ADAMTS2: variants seen among roughly 807,000 people sequenced by gnomAD.
The protein encoded by ADAMTS2 is ADAM metallopeptidase with thrombospondin type 1 motif 2, also known as A disintegrin and metalloproteinase with thrombospondin motifs 2.
A neutral mutation model predicts 123.0 loss-of-function variants in ADAMTS2; 50 were observed. The observed-to-expected ratio is 0.41, with a 90% CI of 0.32 to 0.51. The LOEUF is 0.51. ADAMTS2 is among the 20% of genes least tolerant of loss of function. The pLI is 0.35. For synonymous variants in ADAMTS2, 678 were observed against 695.4 expected (o/e 0.98, Z 0.39); for missense variants, 1,494 against 1,705.2 (o/e 0.88, Z 2.18).
At chr5:179,343,335 G>A (rs1387338903) in intron 2 of ADAMTS2, among the ~76,000 whole-genome samples, 1 of 152,294 alleles carries the variant, frequency 6.6e-6, no homozygotes, top group African/African-American at 2.4e-5. Context: ...AGACACATAC[G>A]TGCACAAGAG....
rs544426618 is a variant in ADAMTS2, at chr5:179,282,891, C to T, written c.535-9827G>A. Among the ~76,000 whole-genome samples the T allele has an allele frequency of 2.2e-3, 339 of 152,190 alleles. 1 individual carries two copies. Among genetic ancestry groups the T allele is most frequent in the African/African-American group, 7.2e-3 (300 of 41,530 alleles). ...GAGATTGAGACCATCCTGGCTAACA[C>T]GGTAAAACCATGTCATCTTGAGATG... On this transcript the variant is annotated intron_variant, in intron 2 of 21. Transcript: ENST00000251582.
chr5:179,126,746 G>T (rs982189592), intron 17 of ADAMTS2, among the ~76,000 whole-genome samples: 9 of 152,240 alleles, frequency 5.9e-5, no homozygotes, highest in Non-Finnish European at 1.0e-4. Flanking sequence ...GGCCTGCTGG[G>T]TAAGACCAAA....
chr5:179,126,657 C>T (rs1471429673), intron 17 of ADAMTS2, among the ~76,000 whole-genome samples: 1 of 152,238 alleles, frequency 6.6e-6, no homozygotes, highest in Admixed American at 6.5e-5. Context: ...TGCTTGACAC[C>T]CCACCGTGCA....
At chr5:179,200,932 A>C (rs964844321) in intron 4 of ADAMTS2, among the ~76,000 whole-genome samples, 1 of 152,192 alleles carries the variant, frequency 6.6e-6, no homozygotes, top group African/African-American at 2.4e-5. Context: ...ACACCCCCAA[A>C]TCCCAGCAGA....
rs1166181258 is a variant in ADAMTS2, at chr5:179,117,028, C to G, written c.3179-2704G>C. Among the ~76,000 whole-genome samples, 1 of 152,122 alleles carries G rather than the reference C, an allele frequency of 6.6e-6. No homozygotes were observed. The highest frequency in any genetic ancestry group is 2.4e-5 in the African/African-American group (1 of 41,428). ...TCAGGATTTTGAAACTGGCAGAAGG[C>G]TTTTCTCAGATAAAAATCTTACACA... is the stretch of plus-strand genomic sequence containing the variant. On this transcript the variant is annotated intron_variant, in intron 21 of 21. Transcript: ENST00000251582. The surrounding 1 kb of genome is among the most constrained non-coding windows in gnomAD (Gnocchi z 4.2).
At chr5:179,278,828 A>C (rs1214568864) in intron 2 of ADAMTS2, among the ~76,000 whole-genome samples, 3 of 151,850 alleles carry the variant, frequency 2.0e-5, no homozygotes, top group Non-Finnish European at 2.9e-5. Flanking sequence ...GGTGAGTTAC[A>C]CAACGCCTGC....
chr5:179,244,857 T>C (rs549603836), intron 3 of ADAMTS2, among the ~76,000 whole-genome samples: 100 of 152,300 alleles, frequency 6.6e-4, no homozygotes, highest in Admixed American at 1.7e-3. Flanking sequence ...ACTGTTGATA[T>C]ATATGTACTC....
intron 2 of ADAMTS2, among the ~76,000 whole-genome samples, chr5:179,304,179 C>T (rs983873167): frequency 9.2e-5 from 14 of 152,188 alleles, no homozygotes; most frequent in East Asian, 5.8e-4. Flanking sequence ...AACTTGCAGC[C>T]GGAACCCAAT....
intron 5 of ADAMTS2, among the ~76,000 whole-genome samples, chr5:179,166,801 C>T (rs894604124): frequency 1.3e-5 from 2 of 152,168 alleles, no homozygotes; most frequent in African/African-American, 4.8e-5. Context: ...TTGCTGGGCC[C>T]GAGTCTGTGC....
At chr5:179,217,838 ACAGGCACACTCAC>A (rs1765031493) in intron 3 of ADAMTS2, among the ~76,000 whole-genome samples, 5 of 85,858 alleles carry the variant, frequency 5.8e-5, no homozygotes, top group African/African-American at 2.9e-4. Flanking sequence ...CTGAGGGCAG[ACAGGCACACTCAC>A]TAGGTAGGGG....
chr5:179,262,816 C>T lies in ADAMTS2; in HGVS notation c.688+10095G>A, dbSNP rs536583665. 1.6e-4 allele frequency among the ~76,000 whole-genome samples: 25 copies of T among 152,370 alleles called. No homozygotes were observed. In the South Asian group the frequency reaches 5.0e-3, roughly 30 times the overall value. The stretch of plus-strand genomic sequence containing the variant: ...GCTGTGAGCCCAGAGAACAGGGACT[C>T]GATCGGGTTCCTCCGCTGCTACAGC... On this transcript the variant is annotated intron_variant, in intron 3 of 21. Coordinates refer to ENST00000251582, the MANE Select transcript of ADAMTS2 (RefSeq NM_014244.5). The surrounding 1 kb of genome is among the most constrained non-coding windows in gnomAD (Gnocchi z 5.9).
rs537968304 is a variant in ADAMTS2, at chr5:179,126,137, G to A, written c.2618-7C>T. On this transcript the variant is annotated splice_polypyrimidine_tract_variant and splice_region_variant and intron_variant, in intron 17 of 21. Coordinates refer to ENST00000251582, the MANE Select transcript of ADAMTS2 (RefSeq NM_014244.5). ...TACTTGGTGAACTGGGACCCTGAAGGCAGAGAGCTCGACGGGGGTCGGTGG... is the reference window on the plus strand; with the variant it reads ...TACTTGGTGAACTGGGACCCTGAAGACAGAGAGCTCGACGGGGGTCGGTGG... 1 of 1,613,180 alleles carries A rather than the reference G, an allele frequency of 6.2e-7. No homozygotes were observed. The highest frequency in any genetic ancestry group is 8.5e-7 in the Non-Finnish European group (1 of 1,180,020).
In ADAMTS2 at chr5:179,319,642, C is replaced by T. The variant is rs958393029; in HGVS notation, c.534+24125G>A. ...GAGAAGGTGTTTATTTGGCCTTTTG[C>T]TTATTGTATGTCTCTACCACCTCAT... On this transcript the variant is annotated intron_variant, in intron 2 of 21. Coordinates refer to ENST00000251582, the MANE Select transcript of ADAMTS2 (RefSeq NM_014244.5). 3.9e-5 allele frequency among the ~76,000 whole-genome samples: 6 copies of T among 152,154 alleles called. No homozygotes were observed. The East Asian group carries it at 7.8e-4, about 20-fold the overall frequency.
chr5:179,198,890 C>T (rs554354863), intron 4 of ADAMTS2, among the ~76,000 whole-genome samples: 70 of 152,156 alleles, frequency 4.6e-4, no homozygotes, highest in Middle Eastern at 3.4e-3. Flanking sequence ...GACAAGGGCC[C>T]GCCCCCTGCC....
intron 2 of ADAMTS2, among the ~76,000 whole-genome samples, chr5:179,296,716 G>T (rs543878555): frequency 1.1e-3 from 167 of 152,216 alleles, no homozygotes; most frequent in Non-Finnish European, 2.0e-3. Flanking sequence ...GCGTGCTGTG[G>T]GTCAGGAGGG....
In ADAMTS2 at chr5:179,189,468, C is replaced by T. The variant is rs945251833; in HGVS notation, c.892-8313G>A. Among the ~76,000 whole-genome samples the T allele has an allele frequency of 5.7e-4, 85 of 149,256 alleles. No homozygotes were observed. Among genetic ancestry groups the T allele is most frequent in the African/African-American group, 2.1e-3 (83 of 40,416 alleles). ...GTTCATGCCATTCTCTTGCCTCAGC[C>T]TCCCGAGTAGCTGGGGCTACAGGCG... On this transcript the variant is annotated intron_variant, in intron 4 of 21. Transcript: ENST00000251582. This position sits in a 1 kb window ranked among gnomAD's most constrained non-coding sequence, Gnocchi z 4.2.
In ADAMTS2 at chr5:179,234,872, C is replaced by T. The variant is rs1218234399; in HGVS notation, c.689-27157G>A. ...CTTGCCCCCATTAAAATCCTCTGTA[C>T]CTCCCTCTTCCCAAGCCTAGCAGAC... On this transcript the variant is annotated intron_variant, in intron 3 of 21. Coordinates refer to ENST00000251582, the MANE Select transcript of ADAMTS2 (RefSeq NM_014244.5). This position sits in a 1 kb window ranked among gnomAD's most constrained non-coding sequence, Gnocchi z 4.7. Among the ~76,000 whole-genome samples the T allele has an allele frequency of 6.6e-6, 1 of 152,184 alleles. No homozygotes were observed. Among genetic ancestry groups the T allele is most frequent in the Non-Finnish European group, 1.5e-5 (1 of 68,042 alleles).
rs376784012 is a variant in ADAMTS2, at chr5:179,302,146, C to T, written c.535-29082G>A. ...CAGAAGCCGGGACTTCTGCCTCTCA[C>T]CCCACTGCATGTATGAAAATAGACG... On this transcript the variant is annotated intron_variant, in intron 2 of 21. Coordinates refer to ENST00000251582, the MANE Select transcript of ADAMTS2 (RefSeq NM_014244.5). Among the ~76,000 whole-genome samples the T allele has an allele frequency of 1.2e-3, 177 of 152,208 alleles. 4 individuals carry two copies. The South Asian group carries it at 0.033, about 29-fold the overall frequency.
rs186806472 is a variant in ADAMTS2, at chr5:179,188,109, C to G, written c.892-6954G>C. Among the ~76,000 whole-genome samples the G allele has an allele frequency of 6.6e-6, 1 of 152,300 alleles. No individual in the cohort carries two copies. The highest frequency in any genetic ancestry group is 1.9e-4 in the East Asian group (1 of 5,170). ...ACTGGCCTGCCAGCCACAGAGGAGA[C>G]AGGCAGGGGCCCTGGAACAGCAGCC... is the stretch of plus-strand genomic sequence containing the variant. On this transcript the variant is annotated intron_variant, in intron 4 of 21. Coordinates refer to ENST00000251582, the MANE Select transcript of ADAMTS2 (RefSeq NM_014244.5). This position sits in a 1 kb window ranked among gnomAD's most constrained non-coding sequence, Gnocchi z 5.1.
Sources: gnomAD v4.1 joint callset for allele counts (sites outside exome capture counted in the v4.1 genomes callset) on GRCh38, gnomAD v4.1.1 for gene constraint, Gnocchi (gnomAD v3.1) non-coding constraint, MANE v1.5 for transcripts, NCBI Gene and HGNC (gene_info 2026-07-23, HGNC 2026-07-21) for gene names.